SMARCC2: variants seen among roughly 807,000 people sequenced by gnomAD.
The protein encoded by SMARCC2 is SWI/SNF related BAF chromatin remodeling complex subunit C2, also known as SWI/SNF complex subunit SMARCC2.
Under a neutral mutation model 151.3 loss-of-function variants are expected in SMARCC2, and 15 were observed. That is an observed-to-expected ratio of 0.10 (90% CI 0.07 to 0.15). SMARCC2 has a LOEUF of 0.15. Among genes scored for constraint, SMARCC2 ranks in the 10% least tolerant of loss-of-function variants. The probability of loss-of-function intolerance (pLI) is 1.00; values close to 1 mark genes in which losing one functional copy is unlikely to be tolerated. For missense variants in SMARCC2, 1,031 were observed against 1,599.7 expected (o/e 0.64, Z 6.06); for synonymous variants, 590 against 609.5 (o/e 0.97, Z 0.47).
At chr12:56,176,634 C>T (rs967850659) in intron 15 of SMARCC2, among the ~76,000 whole-genome samples, 6 of 150,292 alleles carry the variant, frequency 4.0e-5, no homozygotes, top group Non-Finnish European at 7.4e-5. Flanking sequence ...CCTGCCACCA[C>T]GCCCAGCTAA....
At chr12:56,184,014 C>G in intron 6 of SMARCC2, 84 bp from the exon 7 acceptor site, 1 of 1,131,212 alleles carries the variant, frequency 8.8e-7, no homozygotes, top group Admixed American at 1.9e-5. Context: ...AACTAATGCA[C>G]TCTCCTGTTG....
intron 15 of SMARCC2, among the ~76,000 whole-genome samples, chr12:56,175,465 T>A (rs571221761): frequency 2.0e-5 from 3 of 152,354 alleles, no homozygotes; most frequent in African/African-American, 7.2e-5. Flanking sequence ...TAAGTTCAAA[T>A]CCCAGTTCTA....
rs770558752 is a variant in SMARCC2, at chr12:56,172,443, G to T, written c.1911C>A (p.Thr637=). 6.4e-7 allele frequency: 1 copy of T among 1,573,144 alleles called. No individual in the cohort carries two copies. Among genetic ancestry groups the T allele is most frequent in the South Asian group, 1.2e-5 (1 of 85,540 alleles). Residue 637 remains threonine, a synonymous_variant, in exon 20 of 29, where the codon ACC becomes ACA. Coordinates refer to ENST00000550164, the MANE Select transcript of SMARCC2 (RefSeq NM_001330288.2). ...CCCCAATTACCTCCAGGAGAAGCAG[G>T]GTTTCCTGTTCTGTCCACTCACGAG... ...SATREWTEQE[T]LLLLEALEMY...
chr12:56,187,931 G>C (rs1565926951), intron 1 of SMARCC2, among the ~76,000 whole-genome samples: 1 of 152,164 alleles, frequency 6.6e-6, no homozygotes, highest in African/African-American at 2.4e-5. Flanking sequence ...CTGTATCTGA[G>C]ACAAGTAACC....
At chr12:56,176,184 C>G (rs1468884978) in intron 15 of SMARCC2, among the ~76,000 whole-genome samples, 1 of 152,102 alleles carries the variant, frequency 6.6e-6, no homozygotes, top group Non-Finnish European at 1.5e-5. Flanking sequence ...ACCAAGAGTT[C>G]AGTTCCTACT....
At chr12:56,177,411 A>G (rs1875244813) in intron 15 of SMARCC2, among the ~76,000 whole-genome samples, 1 of 151,890 alleles carries the variant, frequency 6.6e-6, no homozygotes, top group Admixed American at 6.6e-5. Context: ...GGCCCAGCTA[A>G]TTTTTTTTCA....
intron 11 of SMARCC2, among the ~76,000 whole-genome samples, chr12:56,179,992 GTTTGTT>G (rs1341415272): frequency 1.3e-5 from 2 of 151,284 alleles, no homozygotes; most frequent in Non-Finnish European, 3.0e-5. Context: ...GATTCTTCAT[GTTTGTT>G]TTTATCATTC....
Position 56,181,104 on chromosome 12 carries a change from G to A in SMARCC2, c.957-3C>T. The A allele has an allele frequency of 1.9e-6, 3 of 1,609,108 alleles. No individual in the cohort carries two copies. The highest frequency in any genetic ancestry group is 1.7e-6 in the Non-Finnish European group (2 of 1,178,530). On this transcript the variant is annotated splice_polypyrimidine_tract_variant and splice_region_variant and intron_variant, in intron 10 of 28. Transcript: ENST00000550164. ...ACTTAGTGTAAGGTGTTGAGGGACT[G>A]GGAAGGAAAGAGAGTGAAAGAGAAC...
chr12:56,181,936 T>C lies in SMARCC2; in HGVS notation c.708+68A>G, dbSNP rs116163528. 6.3e-4 allele frequency: 993 copies of C among 1,588,718 alleles called. 6 individuals carry two copies. The African/African-American group carries it at 0.012, about 19-fold the overall frequency. On this transcript the variant is annotated intron_variant, in intron 8 of 28. Transcript: ENST00000550164. ...AGCTCAAGGGCATACAAGCCTCTGT[T>C]TCACTTCCAAAGGGTAGACTGTTCC...
At position 56,187,318 on chromosome 12, in the gene SMARCC2, G is replaced by A; in HGVS notation, c.112-12C>T. On this transcript the variant is annotated splice_polypyrimidine_tract_variant and intron_variant, in intron 1 of 28. Coordinates refer to ENST00000550164, the MANE Select transcript of SMARCC2 (RefSeq NM_001330288.2). ...TCAGCTTGTATATACTAAGGAAAAAGAGGGAAAGGAAAGAAAAATAGATCT... is the reference window on the plus strand; with the variant it reads ...TCAGCTTGTATATACTAAGGAAAAAAAGGGAAAGGAAAGAAAAATAGATCT... 3.7e-6 allele frequency: 6 copies of A among 1,607,642 alleles called. No homozygotes were observed. The highest frequency in any genetic ancestry group is 5.1e-6 in the Non-Finnish European group (6 of 1,175,376).
chr12:56,188,755 G>A (rs866062117), intron 1 of SMARCC2, among the ~76,000 whole-genome samples: 1 of 152,174 alleles, frequency 6.6e-6, no homozygotes, highest in Non-Finnish European at 1.5e-5. Flanking sequence ...CCTATACCCC[G>A]GCTCCCTGAG....
chr12:56,167,075 A>C (rs1220436995), intron 26 of SMARCC2, among the ~76,000 whole-genome samples: 10 of 149,748 alleles, frequency 6.7e-5, no homozygotes, highest in African/African-American at 2.5e-4. Flanking sequence ...AAAAAAAAAA[A>C]AAAGCGTGAT....
chr12:56,172,717 G>A lies in SMARCC2; in HGVS notation c.1744-13C>T. 6.2e-7 allele frequency: 1 copy of A among 1,613,890 alleles called. No individual in the cohort carries two copies. Among genetic ancestry groups the A allele is most frequent in the Non-Finnish European group, 8.5e-7 (1 of 1,180,016 alleles). Reference sequence around the variant, plus strand: ...AAGCAGAGGTCTGCTATTTGTGGAGGGAAAGAAACAGGTGAGTACAAGTGA... The same window carrying A: ...AAGCAGAGGTCTGCTATTTGTGGAGAGAAAGAAACAGGTGAGTACAAGTGA... On this transcript the variant is annotated splice_polypyrimidine_tract_variant and intron_variant, in intron 18 of 28. Coordinates refer to ENST00000550164, the MANE Select transcript of SMARCC2 (RefSeq NM_001330288.2).
At chr12:56,174,818 GGGCT>G in intron 15 of SMARCC2, 54 bp from the exon 16 acceptor site, 2 of 1,179,276 alleles carry the variant, frequency 1.7e-6, no homozygotes, top group Admixed American at 3.5e-5. Flanking sequence ...GTTTGTTAAA[GGGCT>G]AAAGGAAAAA....
Position 56,178,767 on chromosome 12 carries a change from C to T in SMARCC2, c.1179+43G>A. On this transcript the variant is annotated intron_variant, in intron 13 of 28. Coordinates refer to ENST00000550164, the MANE Select transcript of SMARCC2 (RefSeq NM_001330288.2). ...CAGAATGAACTTTATAATCACAAAT[C>T]AGAATCACATAGAGAGGTAGGGCCT... is the stretch of plus-strand genomic sequence containing the variant. 4 of 1,593,794 alleles carry T rather than the reference C, an allele frequency of 2.5e-6. No homozygotes were observed. The African/African-American group carries it at 4.0e-5, about 16-fold the overall frequency.
intron 16 of SMARCC2, 97 bp downstream of exon 16, chr12:56,174,554 C>T (rs1353856600): frequency 5.2e-6 from 4 of 774,414 alleles, no homozygotes; most frequent in South Asian, 3.0e-5. Context: ...TTTCTGTCTG[C>T]TCCTCTGTGT....
chr12:56,184,099 A>C (rs1876784185), intron 6 of SMARCC2, 76 bp downstream of exon 6: 1 of 1,171,152 alleles, frequency 8.5e-7, no homozygotes, highest in Admixed American at 1.8e-5. Flanking sequence ...GAGCCCAGGT[A>C]CTGAATGGTG....
chr12:56,171,587 G>A lies in SMARCC2; in HGVS notation c.2185+92C>T. On this transcript the variant is annotated intron_variant, in intron 21 of 28. Coordinates refer to ENST00000550164, the MANE Select transcript of SMARCC2 (RefSeq NM_001330288.2). This position sits in a 1 kb window ranked among gnomAD's most constrained non-coding sequence, Gnocchi z 4.2. ...GAGGCCCGCACAGACAAGGCCAGCA[G>A]GGCAGCCAAACTTGAGAGGATTCAC... is the stretch of plus-strand genomic sequence containing the variant. 6.7e-7 allele frequency: 1 copy of A among 1,497,476 alleles called. No homozygotes were observed. The highest frequency in any genetic ancestry group is 9.0e-7 in the Non-Finnish European group (1 of 1,112,530). The allele number at this position is 1,497,476 out of a possible 1,614,324, so 92.8% of individuals were successfully genotyped here.
chr12:56,174,642 A>G lies in SMARCC2; in HGVS notation c.1496+9T>C. On this transcript the variant is annotated intron_variant, in intron 16 of 28. Transcript: ENST00000550164. The stretch of plus-strand genomic sequence containing the variant: ...CATGTACCCCCTTCCCCTCAGCCAC[A>G]AGACCCACCTCATGATGGCACAGAC... The G allele has an allele frequency of 6.3e-7, 1 of 1,596,076 alleles. No individual in the cohort carries two copies. Among genetic ancestry groups the G allele is most frequent in the Non-Finnish European group, 8.6e-7 (1 of 1,164,156 alleles).
Sources: allele counts gnomAD v4.1 joint callset (sites outside exome capture counted in the v4.1 genomes callset), GRCh38; gene constraint gnomAD v4.1.1; non-coding constraint Gnocchi (gnomAD v3.1); transcripts MANE v1.5; gene names NCBI Gene and HGNC (gene_info 2026-07-23, HGNC 2026-07-21).